ATP6V0A4: variants seen among roughly 807,000 people sequenced by gnomAD.
The protein encoded by ATP6V0A4 is V-type proton ATPase 116 kDa subunit a 4.
A neutral mutation model predicts 107.3 loss-of-function variants in ATP6V0A4; 86 were observed. The observed-to-expected ratio is 0.80, with a 90% confidence interval of 0.67 to 0.96. ATP6V0A4 has a LOEUF of 0.96. ATP6V0A4 is among the 40% of genes least tolerant of loss of function. The pLI is 0.00. For synonymous variants in ATP6V0A4, 353 were observed against 381.4 expected, an observed-to-expected ratio of 0.93 and a Z score of 0.87; for missense variants, 908 against 1,045.6, an observed-to-expected ratio of 0.87 and a Z score of 1.81.
chr7:138,791,553 C>T (rs762234371), intron 1 of ATP6V0A4, among the ~76,000 whole-genome samples: 11 of 152,134 alleles, frequency 7.2e-5, no homozygotes, highest in Non-Finnish European at 1.5e-4. Context: ...AAACCAAAGG[C>T]AAAGAAAAAT....
chr7:138,732,892 G>C lies in ATP6V0A4; in HGVS notation c.1893C>G (p.Pro631=), dbSNP rs143558330. ...LFNYSDSSNA[P]LYKHQQEVQS... ...GCAGAAATACCTGATGTTTGTAGAGGGGTGCGTTGGAAGAGTCACTGTAGT... is the reference window on the plus strand; with the variant it reads ...GCAGAAATACCTGATGTTTGTAGAGCGGTGCGTTGGAAGAGTCACTGTAGT... The change falls in exon 17 of 22, where the codon CCC becomes CCG. Residue 631 remains proline, a synonymous_variant. Coordinates refer to ENST00000310018, the MANE Select transcript of ATP6V0A4 (RefSeq NM_020632.3). 2 of 1,612,416 alleles carry C rather than the reference G, an allele frequency of 1.2e-6. No individual in the cohort carries two copies. The highest frequency in any genetic ancestry group is 1.7e-6 in the Non-Finnish European group (2 of 1,178,926).
intron 1 of ATP6V0A4, among the ~76,000 whole-genome samples, chr7:138,792,101 G>A (rs1490735611): frequency 6.6e-6 from 1 of 152,186 alleles, no homozygotes; most frequent in Non-Finnish European, 1.5e-5. Flanking sequence ...GAGGTCAGGA[G>A]ATCGAGACCA....
At chr7:138,726,028 C>T (rs572726618) in intron 18 of ATP6V0A4, among the ~76,000 whole-genome samples, 4 of 152,142 alleles carry the variant, frequency 2.6e-5, no homozygotes, top group Admixed American at 1.3e-4. Context: ...CTCGTTCTGT[C>T]GCCTGGGCTG....
chr7:138,740,098 GA>G (rs71520026), intron 14 of ATP6V0A4, among the ~76,000 whole-genome samples: 122 of 133,336 alleles, frequency 9.1e-4, no homozygotes, highest in Middle Eastern at 7.8e-3. Context: ...CTGTTGAAAG[GA>G]AAAAAAAAAA....
intron 2 of ATP6V0A4, among the ~76,000 whole-genome samples, chr7:138,785,720 T>C (rs1808148206): frequency 6.6e-6 from 1 of 151,826 alleles, no homozygotes; most frequent in East Asian, 1.9e-4. Flanking sequence ...GAATTCAACT[T>C]CCTCCATTGT....
At chr7:138,746,507 ATT>A (rs568581159) in intron 13 of ATP6V0A4, among the ~76,000 whole-genome samples, 6 of 145,166 alleles carry the variant, frequency 4.1e-5, no homozygotes, top group Non-Finnish European at 4.6e-5. Context: ...CATTGCAGAT[ATT>A]TTTTTTTTTT....
At chr7:138,745,048 T>G in intron 14 of ATP6V0A4, 75 bp downstream of exon 14, 1 of 1,362,210 alleles carries the variant, frequency 7.3e-7, no homozygotes. Flanking sequence ...AGGTGTAGAC[T>G]CCCCCAACCA....
chr7:138,756,062 GC>G, intron 9 of ATP6V0A4: 2 of 562,094 alleles, frequency 3.6e-6, no homozygotes, highest in South Asian at 4.0e-5. Context: ...AGCTGGGCTT[GC>G]CCCTTCCTAA....
rs398006555 is a variant in ATP6V0A4 at position 138,758,739 on chromosome 7, A to ATTTTTTTTTTTTT, written c.639+1000_639+1012dup. Among the ~76,000 whole-genome samples, 33 of 59,202 alleles carry ATTTTTTTTTTTTT rather than the reference A, an allele frequency of 5.6e-4. 7 individuals carry two copies. Among genetic ancestry groups the ATTTTTTTTTTTTT allele is most frequent in the Non-Finnish European group, 6.9e-4 (24 of 34,942 alleles). 38.8% of individuals were successfully genotyped at this position (59,202 alleles called of 152,430 possible). ...CCCCACTCAGACCCACTGACTCAGAATTTTTTTTTTTTTTTTTTTTTTTTT... is the reference window on the plus strand; with the variant it reads ...CCCCACTCAGACCCACTGACTCAGAATTTTTTTTTTTTTTTTTTTTTTTTTTTTTTTTTTTTTT... On this transcript the variant is annotated intron_variant, in intron 8 of 21. Transcript: ENST00000310018.
chr7:138,784,744 C>T (rs183286406), intron 2 of ATP6V0A4, among the ~76,000 whole-genome samples: 1 of 152,216 alleles, frequency 6.6e-6, no homozygotes, highest in East Asian at 1.9e-4. Context: ...CTATATTATC[C>T]AAACAAACAT....
chr7:138,781,531 C>A (rs551636096), intron 2 of ATP6V0A4, among the ~76,000 whole-genome samples: 1 of 152,098 alleles, frequency 6.6e-6, no homozygotes. Flanking sequence ...GGGGTTTCAC[C>A]ATCTTGGCCA....
chr7:138,763,174 C>T lies in ATP6V0A4; in HGVS notation c.292-149G>A, dbSNP rs150196668. 2.0e-3 allele frequency: 1,687 copies of T among 863,402 alleles called. 9 individuals carry two copies. The highest frequency in any genetic ancestry group is 1.9e-3 in the Non-Finnish European group (1,040 of 554,138). 53.5% of individuals were successfully genotyped at this position (863,402 alleles called of 1,614,324 possible). On this transcript the variant is annotated intron_variant, in intron 5 of 21. Transcript: ENST00000310018. The stretch of plus-strand genomic sequence containing the variant: ...TAATACACATACACACAGACACACA[C>T]AGACACACACAGACACACACACACA...
intron 1 of ATP6V0A4, among the ~76,000 whole-genome samples, chr7:138,786,721 T>C (rs1349174824): frequency 6.6e-6 from 1 of 151,950 alleles, no homozygotes; most frequent in Non-Finnish European, 1.5e-5. Context: ...CTCAAAGTCC[T>C]GGGCTCAAGC....
intron 2 of ATP6V0A4, among the ~76,000 whole-genome samples, chr7:138,778,546 C>T (rs1807776321): frequency 6.6e-6 from 1 of 152,080 alleles, no homozygotes; most frequent in Non-Finnish European, 1.5e-5. Flanking sequence ...ATATTCCGGA[C>T]TCAGTGCGGC....
At chr7:138,726,138 C>A (rs994559876) in intron 18 of ATP6V0A4, among the ~76,000 whole-genome samples, 1 of 152,070 alleles carries the variant, frequency 6.6e-6, no homozygotes, top group South Asian at 2.1e-4. Flanking sequence ...TACAGGCGCC[C>A]GCCACCACGC....
chr7:138,719,356 A>G (rs12538754), intron 19 of ATP6V0A4, among the ~76,000 whole-genome samples: 3 of 151,788 alleles, frequency 2.0e-5, no homozygotes, highest in Non-Finnish European at 4.4e-5. Flanking sequence ...GCAGTGGCTT[A>G]AGTTGGGCAC....
chr7:138,792,765 TG>T (rs1197459682), intron 1 of ATP6V0A4, among the ~76,000 whole-genome samples: 6,902 of 87,616 alleles, frequency 0.079, 595 homozygotes, highest in African/African-American at 0.24. Context: ...AACTCAGGTT[TG>T]TTTTTTTTTT....
In ATP6V0A4 at chr7:138,747,615, C is replaced by T. The variant is rs753484604; in HGVS notation, c.1181-51G>A. 5.0e-6 allele frequency: 8 copies of T among 1,603,462 alleles called. No homozygotes were observed. The South Asian group carries it at 7.8e-5, about 16-fold the overall frequency. ...TGAGGCCTCAGCACAGCCTCGGGGC[C>T]CCCACCTCAGATTCCCTGCCACAGC... On this transcript the variant is annotated intron_variant, in intron 12 of 21. Coordinates refer to ENST00000310018, the MANE Select transcript of ATP6V0A4 (RefSeq NM_020632.3).
chr7:138,726,242 G>A lies in ATP6V0A4; in HGVS notation c.2010+2519C>T, dbSNP rs533077754. Among the ~76,000 whole-genome samples, 5 of 152,332 alleles carry A rather than the reference G, an allele frequency of 3.3e-5. No homozygotes were observed. In the South Asian group the frequency reaches 1.0e-3, roughly 32 times the overall value. On this transcript the variant is annotated intron_variant, in intron 18 of 21. Coordinates refer to ENST00000310018, the MANE Select transcript of ATP6V0A4 (RefSeq NM_020632.3). ...CTGACCTTGTGATCCGCCCGCCTCG[G>A]CCTCCCAAAGTGCTGGGATTACAGG...
Sources: gnomAD v4.1 joint callset for allele counts (sites outside exome capture counted in the v4.1 genomes callset) on GRCh38, gnomAD v4.1.1 for gene constraint, MANE v1.5 for transcripts, NCBI Gene and HGNC (gene_info 2026-07-23, HGNC 2026-07-21) for gene names.